The following DIS3L2 variants were observed in gnomAD, a reference collection of about 807,000 sequenced individuals.
The protein encoded by DIS3L2 is DIS3-like exonuclease 2.
DIS3L2 carries 34 observed loss-of-function variants against 97.5 expected under a neutral mutation model. That is an observed-to-expected ratio of 0.35 (90% confidence interval 0.27 to 0.46). DIS3L2 has a LOEUF of 0.46. Ranked by LOEUF, DIS3L2 falls within the 20% of genes least tolerant of loss-of-function variation. The pLI is 1.00. For missense variants in DIS3L2, 1,038 were observed against 1,146.0 expected, an observed-to-expected ratio of 0.91 and a Z score of 1.36; for synonymous variants, 435 against 445.2, an observed-to-expected ratio of 0.98 and a Z score of 0.29.
intron 9 of DIS3L2, among the ~76,000 whole-genome samples, chr2:232,184,702 C>A (rs1691389459): frequency 6.6e-6 from 1 of 152,078 alleles, no homozygotes; most frequent in Admixed American, 6.6e-5. Flanking sequence ...ATTGTGTGGG[C>A]AAATTATTCC....
chr2:232,134,089 A>G (rs748290124), intron 7 of DIS3L2, among the ~76,000 whole-genome samples: 1 of 152,062 alleles, frequency 6.6e-6, no homozygotes, highest in Non-Finnish European at 1.5e-5. Context: ...AGTAGTAGAG[A>G]TGACACAGCA....
intron 14 of DIS3L2, among the ~76,000 whole-genome samples, chr2:232,316,305 C>T (rs554156467): frequency 2.0e-5 from 3 of 152,216 alleles, no homozygotes; most frequent in East Asian, 3.9e-4. Flanking sequence ...TTGTTCCTTA[C>T]GATTATGTCC....
chr2:232,086,171 A>ATATATACACACGTATAGACGTG (rs1696578947), intron 5 of DIS3L2, among the ~76,000 whole-genome samples: 8 of 146,072 alleles, frequency 5.5e-5, no homozygotes, highest in Admixed American at 4.7e-4. Context: ...CTTTATACGT[A>ATATATACACACGTATAGACGTG]TATACGTATA....
intron 13 of DIS3L2, among the ~76,000 whole-genome samples, chr2:232,294,269 G>T (rs1320307792): frequency 1.3e-5 from 2 of 152,182 alleles, no homozygotes; most frequent in Non-Finnish European, 2.9e-5. Context: ...GCTAGAGGTT[G>T]GGTCTGCTTC....
At chr2:232,021,539 G>A (rs1243898433) in intron 3 of DIS3L2, among the ~76,000 whole-genome samples, 2 of 151,980 alleles carry the variant, frequency 1.3e-5, no homozygotes, top group Non-Finnish European at 2.9e-5. Context: ...GGAGCAAATG[G>A]TAGTTAGAGT....
chr2:232,274,624 A>G (rs911045065), intron 13 of DIS3L2, among the ~76,000 whole-genome samples: 2 of 152,202 alleles, frequency 1.3e-5, no homozygotes, highest in African/African-American at 4.8e-5. Context: ...GAGTTTCCCC[A>G]AATGCTGCTT....
intron 5 of DIS3L2, among the ~76,000 whole-genome samples, chr2:232,086,199 G>A (rs141489840): frequency 0.04 from 5,850 of 147,640 alleles, 177 homozygotes; most frequent in Admixed American, 0.086. Context: ...ACGTATAGAC[G>A]TGTATACGTA....
intron 9 of DIS3L2, among the ~76,000 whole-genome samples, chr2:232,171,932 G>A (rs1559700977): frequency 6.6e-6 from 1 of 152,094 alleles, no homozygotes; most frequent in Non-Finnish European, 1.5e-5. Context: ...ACTGGCAAAA[G>A]ACAATATTTG....
chr2:231,988,015 G>T (rs1207244662), intron 1 of DIS3L2, among the ~76,000 whole-genome samples: 2 of 152,072 alleles, frequency 1.3e-5, no homozygotes, highest in Non-Finnish European at 1.5e-5. Context: ...AGCTAGTTTT[G>T]TATTTTTAGT....
intron 5 of DIS3L2, among the ~76,000 whole-genome samples, chr2:232,069,340 A>C (rs1695945210): frequency 6.6e-6 from 1 of 152,242 alleles, no homozygotes; most frequent in Non-Finnish European, 1.5e-5. Context: ...AAAGGGGAAT[A>C]ATCTTTCATT....
At chr2:232,329,555 C>T (rs1396739805) in intron 14 of DIS3L2, 2 of 403,132 alleles carry the variant, frequency 5.0e-6, no homozygotes, top group Admixed American at 4.4e-5. Context: ...CTCCAGGGTC[C>T]CCCTCTGGGA....
chr2:232,000,745 T>A (rs1178296025), intron 1 of DIS3L2, among the ~76,000 whole-genome samples: 1 of 140,848 alleles, frequency 7.1e-6, no homozygotes, highest in African/African-American at 2.5e-5. Context: ...TTTTTTTTTT[T>A]AAGAGACTGG....
rs116377855 is a variant in DIS3L2, at chr2:232,012,284, T to C, written c.-93-2551T>C. Among the ~76,000 whole-genome samples the C allele has an allele frequency of 2.8e-3, 426 of 152,296 alleles. 1 individual carries two copies. The highest frequency in any genetic ancestry group is 4.6e-3 in the Non-Finnish European group (316 of 68,028). ...TTACAATGACAAACCCAATCAAACA[T>C]TCCTTGTCTCCCTGAGCTAAAGAGA... is the stretch of plus-strand genomic sequence containing the variant. On this transcript the variant is annotated intron_variant, in intron 1 of 20. Coordinates refer to ENST00000325385, the MANE Select transcript of DIS3L2 (RefSeq NM_152383.5).
intron 6 of DIS3L2, among the ~76,000 whole-genome samples, chr2:232,106,149 A>T (rs1697352613): frequency 6.6e-6 from 1 of 152,104 alleles, no homozygotes; most frequent in Non-Finnish European, 1.5e-5. Flanking sequence ...GTCCATGCTC[A>T]TGACAAGGTA....
chr2:232,200,780 GTT>G (rs1183177130), intron 9 of DIS3L2, among the ~76,000 whole-genome samples: 14 of 124,772 alleles, frequency 1.1e-4, no homozygotes, highest in Non-Finnish European at 8.8e-5. Context: ...TGACCAAAAG[GTT>G]TTTTTTTTTT....
At chr2:232,290,232 C>T (rs950255935) in intron 13 of DIS3L2, among the ~76,000 whole-genome samples, 1 of 152,254 alleles carries the variant, frequency 6.6e-6, no homozygotes, top group African/African-American at 2.4e-5. Flanking sequence ...GCATGTGACA[C>T]ACGCAGACTT....
At chr2:232,211,779 A>G (rs955700488) in intron 10 of DIS3L2, among the ~76,000 whole-genome samples, 1 of 152,228 alleles carries the variant, frequency 6.6e-6, no homozygotes, top group African/African-American at 2.4e-5. Context: ...AGGCTGAGAG[A>G]TAGAAGACAT....
intron 10 of DIS3L2, among the ~76,000 whole-genome samples, chr2:232,232,413 G>A (rs1485627431): frequency 6.6e-6 from 1 of 152,180 alleles, no homozygotes; most frequent in Admixed American, 6.5e-5. Flanking sequence ...GCAATAGGAG[G>A]TTGTTAGATA....
rs1694170589 is a variant in DIS3L2, at chr2:232,010,561, T to C, written c.-93-4274T>C. ...AATCAATAGTCATCTTTTGCTTGTT[T>C]TTCCCATCTTTTGCTTTCCATTGGC... On this transcript the variant is annotated intron_variant, in intron 1 of 20. Coordinates refer to ENST00000325385, the MANE Select transcript of DIS3L2 (RefSeq NM_152383.5). 2.6e-5 allele frequency among the ~76,000 whole-genome samples: 4 copies of C among 152,160 alleles called. No homozygotes were observed. In the South Asian group the frequency reaches 8.3e-4, roughly 31 times the overall value.
Sources: allele counts gnomAD v4.1 joint callset (sites outside exome capture counted in the v4.1 genomes callset), GRCh38; gene constraint gnomAD v4.1.1; transcripts MANE v1.5; gene names NCBI Gene and HGNC (gene_info 2026-07-23, HGNC 2026-07-21).